The following MYH14 variants were observed in gnomAD, a reference collection of about 807,000 sequenced individuals.
MYH14 encodes myosin heavy chain 14.
MYH14 carries 123 observed loss-of-function variants against 255.5 expected under a neutral mutation model. That is an observed-to-expected ratio of 0.48 (90% CI 0.42 to 0.56). MYH14 has a LOEUF of 0.56. Ranked by LOEUF, MYH14 falls within the 20% of genes least tolerant of loss-of-function variation. MYH14 has a pLI of 0.00. For synonymous variants in MYH14, 1,095 were observed against 1,161.2 expected, an observed-to-expected ratio of 0.94 and a Z score of 1.16; for missense variants, 2,423 against 2,802.3, an observed-to-expected ratio of 0.86 and a Z score of 3.06.
At chr19:50,219,930 G>A (rs1430974253) in intron 3 of MYH14, among the ~76,000 whole-genome samples, 1 of 151,962 alleles carries the variant, frequency 6.6e-6, no homozygotes, top group Non-Finnish European at 1.5e-5. Flanking sequence ...GCCAGGGGCG[G>A]TGGCTCACAC....
chr19:50,301,581 T>A (rs1330073731), intron 39 of MYH14, 80 bp from the exon 40 acceptor site: 6 of 1,056,396 alleles, frequency 5.7e-6, no homozygotes, highest in East Asian at 4.8e-5. Flanking sequence ...GTGCACTTAA[T>A]TCTCAGAGGT....
chr19:50,253,458 AT>A (rs775302474), intron 16 of MYH14, among the ~76,000 whole-genome samples: 240 of 150,364 alleles, frequency 1.6e-3, no homozygotes, highest in Non-Finnish European at 1.4e-3. Flanking sequence ...AAAAAAAAAA[AT>A]TCTACTGAGA....
In MYH14 at chr19:50,289,751, C is replaced by G. The variant is rs115727028; in HGVS notation, c.4965+103C>G. 2,563 of 1,056,484 alleles carry G rather than the reference C, an allele frequency of 2.4e-3. 32 individuals are homozygous for G. In the African/African-American group the frequency reaches 0.029, roughly 12 times the overall value. 65.4% of individuals were successfully genotyped at this position (1,056,484 alleles called of 1,614,324 possible). ...GCAAGGGGTCTCCCCGACCCACCCACCACTCTGTCTCCTCCACCCGCCGAC... is the reference window on the plus strand; with the variant it reads ...GCAAGGGGTCTCCCCGACCCACCCAGCACTCTGTCTCCTCCACCCGCCGAC... On this transcript the variant is annotated intron_variant, in intron 35 of 42. Transcript: ENST00000642316.
chr19:50,255,139 C>G, intron 16 of MYH14, 81 bp from the exon 17 acceptor site: 1 of 888,462 alleles, frequency 1.1e-6, no homozygotes, highest in Admixed American at 2.0e-5. Context: ...TCCTCTCCTT[C>G]CCCTCTTTTC....
In MYH14 at chr19:50,255,225, G is replaced by GA; in HGVS notation, c.1951_1952insA (p.Gly651GlufsTer156). The GA allele has an allele frequency of 6.4e-7, 1 of 1,550,610 alleles. No individual in the cohort carries two copies. The highest frequency in any genetic ancestry group is 8.7e-7 in the Non-Finnish European group (1 of 1,146,306). On this transcript the variant is annotated frameshift_variant, in exon 17 of 43. Transcript: ENST00000642316. LOFTEE classifies it high-confidence loss of function. The stretch of plus-strand genomic sequence containing the variant: ...CATCTGTCCTCACTCCCCAGAACAT[G>GA]GGGGCTTCCAGCAGTTCTCTTTCCT...
At chr19:50,274,199 G>A (rs954744898) in intron 27 of MYH14, among the ~76,000 whole-genome samples, 1 of 152,170 alleles carries the variant, frequency 6.6e-6, no homozygotes, top group Non-Finnish European at 1.5e-5. Flanking sequence ...TTACTGAGGT[G>A]AAATTCACAT....
At chr19:50,294,853 AGTAT>A (rs2036208647) in intron 39 of MYH14, among the ~76,000 whole-genome samples, 1 of 151,928 alleles carries the variant, frequency 6.6e-6, no homozygotes, top group Non-Finnish European at 1.5e-5. Flanking sequence ...TGATGGTGAT[AGTAT>A]TAGCACTGTT....
chr19:50,252,617 T>C lies in MYH14; in HGVS notation c.1831-22T>C. On this transcript the variant is annotated intron_variant, in intron 15 of 42. Transcript: ENST00000642316. The surrounding 1 kb of genome is among the most constrained non-coding windows in gnomAD (Gnocchi z 4.2). The stretch of plus-strand genomic sequence containing the variant: ...TGTCTGAGCCTGCAAGTCATCGCCC[T>C]CCTCTACCTGACTTCATTCAGGTCG... 6.7e-7 allele frequency: 1 copy of C among 1,503,216 alleles called. No homozygotes were observed. The highest frequency in any genetic ancestry group is 2.4e-5 in the East Asian group (1 of 41,546). 93.1% of individuals were successfully genotyped at this position (1,503,216 alleles called of 1,614,324 possible). A position where few individuals can be genotyped will look rare whatever the true frequency, so the allele number is the denominator to read the frequency against.
At position 50,217,572 on chromosome 19, in the gene MYH14, G is replaced by A. The variant is rs369995294; in HGVS notation, c.406-43G>A. The A allele has an allele frequency of 1.9e-4, 300 of 1,613,552 alleles. No individual in the cohort carries two copies. The African/African-American group carries it at 3.4e-3, about 18-fold the overall frequency. On this transcript the variant is annotated intron_variant, in intron 2 of 42. Coordinates refer to ENST00000642316, the MANE Select transcript of MYH14 (RefSeq NM_001145809.2). ...GCAGCCCCATGACGCCTTTCAGGCC[G>A]TGGGCAGCCATCTGAGACCCTCTCC...
intron 10 of MYH14, among the ~76,000 whole-genome samples, chr19:50,235,101 G>A (rs533632960): frequency 1.1e-4 from 17 of 152,320 alleles, no homozygotes; most frequent in African/African-American, 4.1e-4. Context: ...GCCAAGTGCA[G>A]TGGCTCACGC....
chr19:50,262,463 G>A (rs1327434046), intron 21 of MYH14, among the ~76,000 whole-genome samples: 1 of 151,836 alleles, frequency 6.6e-6, no homozygotes, highest in Admixed American at 6.6e-5. Flanking sequence ...GCTTGAACTC[G>A]GGAAGCAGAG....
rs2036811285 is a variant in MYH14 at position 50,310,165 on chromosome 19, C to T, written c.*375C>T. 3.4e-6 allele frequency: 1 copy of T among 291,968 alleles called. No homozygotes were observed. The highest frequency in any genetic ancestry group is 2.3e-5 in the African/African-American group (1 of 44,264). The allele number at this position is 291,968 out of a possible 1,614,324, so 18.1% of individuals were successfully genotyped here. On this transcript the variant is annotated 3_prime_UTR_variant, in exon 43 of 43. Transcript: ENST00000642316. ...ATCCTCAGCCAGTGCAACCCATTCCCTCTGCTTCTCTCTCTCTCTCTCTCT... is the reference window on the plus strand; with the variant it reads ...ATCCTCAGCCAGTGCAACCCATTCCTTCTGCTTCTCTCTCTCTCTCTCTCT...
intron 1 of MYH14, among the ~76,000 whole-genome samples, chr19:50,206,846 T>C (rs1338762681): frequency 6.6e-6 from 1 of 151,862 alleles, no homozygotes; most frequent in East Asian, 1.9e-4. Context: ...AGTCCTGCTG[T>C]TGGGGAGACA....
rs745351261 is a variant in MYH14 at position 50,248,995 on chromosome 19, C to G, written c.1338C>G (p.Phe446Leu). ...QKAQTKEQAD[F>L]ALEALAKATY... ...TGAGCCCTGTCCCACAGGCTGACTT[C>G]GCGCTGGAGGCCCTGGCCAAGGCCA... The change falls in exon 13 of 43, where the codon TTC (phenylalanine) becomes TTG (leucine). Residue 446 changes from phenylalanine to leucine, a missense_variant. This residue lies in a region of MYH14 where 672 missense variants were observed against 881.8 expected (regional missense o/e 0.76). Coordinates refer to ENST00000642316, the MANE Select transcript of MYH14 (RefSeq NM_001145809.2). 2 of 1,613,396 alleles carry G rather than the reference C, an allele frequency of 1.2e-6. No homozygotes were observed. The highest frequency in any genetic ancestry group is 1.3e-5 in the African/African-American group (1 of 74,954).
At chr19:50,260,189 G>C (rs926385930) in intron 19 of MYH14, among the ~76,000 whole-genome samples, 1 of 152,236 alleles carries the variant, frequency 6.6e-6, no homozygotes, top group Non-Finnish European at 1.5e-5. Flanking sequence ...CACTTTGGGA[G>C]GCCGAGGCGG....
intron 37 of MYH14, among the ~76,000 whole-genome samples, chr19:50,292,628 C>T (rs1395133459): frequency 1.3e-5 from 2 of 151,966 alleles, no homozygotes; most frequent in African/African-American, 4.8e-5. Context: ...TGTGTCTTAC[C>T]ATGTGGCCTG....
chr19:50,234,840 A>G (rs55990170), intron 10 of MYH14, among the ~76,000 whole-genome samples: 2,955 of 152,316 alleles, frequency 0.019, 39 homozygotes, highest in Middle Eastern at 0.037. Flanking sequence ...TGCATGTAGT[A>G]ACATAAACTG....
chr19:50,245,430 AAAG>A (rs1395980488), intron 11 of MYH14, among the ~76,000 whole-genome samples: 4 of 129,834 alleles, frequency 3.1e-5, no homozygotes, highest in Admixed American at 8.1e-5. Flanking sequence ...CAAAAAAAAA[AAAG>A]AAGAAGAAAG....
Position 50,224,189 on chromosome 19 carries a change from G to A in MYH14, c.717+12G>A, listed in dbSNP as rs1335295401. 3.1e-6 allele frequency: 5 copies of A among 1,613,866 alleles called. No homozygotes were observed. Among genetic ancestry groups the A allele is most frequent in the Non-Finnish European group, 4.2e-6 (5 of 1,179,856 alleles). On this transcript the variant is annotated intron_variant, in intron 6 of 42. Coordinates refer to ENST00000642316, the MANE Select transcript of MYH14 (RefSeq NM_001145809.2). The stretch of plus-strand genomic sequence containing the variant: ...GCACCGTGTCTTATGTGAGTAGCAG[G>A]GGATCACCTCGAGTCTTGCTGCCCC...
Sources: gnomAD v4.1 joint callset for allele counts (sites outside exome capture counted in the v4.1 genomes callset) on GRCh38, gnomAD v4.1.1 for gene constraint, gnomAD v4.1.1 regional missense constraint, Gnocchi (gnomAD v3.1) non-coding constraint, MANE v1.5 for transcripts, NCBI Gene and HGNC (gene_info 2026-07-23, HGNC 2026-07-21) for gene names.